AOPEP: variants seen among roughly 807,000 people sequenced by gnomAD.
The protein encoded by AOPEP is aminopeptidase O (putative).
In AOPEP, 77 loss-of-function variants were observed where a neutral mutation model predicts 98.1. That is an observed-to-expected ratio of 0.78 (90% CI 0.65 to 0.95). AOPEP has a LOEUF of 0.95. Ranked by LOEUF, AOPEP falls within the 40% of genes least tolerant of loss-of-function variation. AOPEP has a pLI of 0.00. For synonymous variants in AOPEP, 346 were observed against 365.3 expected (o/e 0.95, Z 0.60); for missense variants, 1,024 against 1,024.7 (o/e 1.00, Z 0.01).
chr9:94,843,583 GCTT>G (rs1270944163), intron 5 of AOPEP, among the ~76,000 whole-genome samples: 1 of 152,200 alleles, frequency 6.6e-6, no homozygotes, highest in Non-Finnish European at 1.5e-5. Flanking sequence ...TTACCATATG[GCTT>G]CTTCAGCCTC....
chr9:94,946,007 C>G (rs1438158189), intron 7 of AOPEP, among the ~76,000 whole-genome samples: 1 of 152,128 alleles, frequency 6.6e-6, no homozygotes, highest in Non-Finnish European at 1.5e-5. Context: ...ATGAGGAGAC[C>G]TGTCTCAGCA....
At chr9:94,877,771 T>C (rs891402051) in intron 5 of AOPEP, among the ~76,000 whole-genome samples, 1 of 152,196 alleles carries the variant, frequency 6.6e-6, no homozygotes, top group Admixed American at 6.5e-5. Context: ...CTTGTATCCA[T>C]ATAGCTAATT....
intron 5 of AOPEP, among the ~76,000 whole-genome samples, chr9:94,839,876 C>T (rs976199494): frequency 7.2e-5 from 11 of 152,146 alleles, no homozygotes; most frequent in Non-Finnish European, 1.3e-4. Context: ...CCCATTGATC[C>T]TCCCACCTCA....
rs774802903 is a variant in AOPEP at position 94,984,369 on chromosome 9, T to TA, written c.1977+4946dup. Among the ~76,000 whole-genome samples, 27 of 152,186 alleles carry TA rather than the reference T, an allele frequency of 1.8e-4. No individual in the cohort carries two copies. The East Asian group carries it at 2.5e-3, about 14-fold the overall frequency. On this transcript the variant is annotated intron_variant, in intron 11 of 16. Transcript: ENST00000375315. ...ATTTAGTCGTAATTAAATTTAAATTTAAAATCTCATAATTTAGTTATTGTT... is the reference window on the plus strand; with the variant it reads ...ATTTAGTCGTAATTAAATTTAAATTTAAAAATCTCATAATTTAGTTATTGTT...
intron 5 of AOPEP, among the ~76,000 whole-genome samples, chr9:94,865,833 C>T (rs2045640334): frequency 6.6e-6 from 1 of 152,204 alleles, no homozygotes; most frequent in Non-Finnish European, 1.5e-5. Flanking sequence ...ATCTGGGCTA[C>T]TGCTAGACAG....
chr9:95,133,464 C>T, the AOPEP span, among the ~76,000 whole-genome samples: 1 of 152,196 alleles, frequency 6.6e-6, no homozygotes, highest in Non-Finnish European at 1.5e-5. Context: ...CTGTGTGACT[C>T]GTGGGAGATT....
chr9:95,114,729 A>G, the AOPEP span: 2 of 1,608,654 alleles, frequency 1.2e-6, no homozygotes, highest in Non-Finnish European at 1.7e-6. Context: ...GGAGAGAGAT[A>G]CGTCAGAGGG....
intron 5 of AOPEP, among the ~76,000 whole-genome samples, chr9:94,829,061 G>T (rs538382699): frequency 6.6e-6 from 1 of 151,804 alleles, no homozygotes; most frequent in Admixed American, 6.6e-5. Flanking sequence ...TAGAGGCGGG[G>T]TTTCACCATG....
At chr9:94,745,172 TTGTC>T (rs1321825159) in intron 1 of AOPEP, among the ~76,000 whole-genome samples, 1 of 152,198 alleles carries the variant, frequency 6.6e-6, no homozygotes, top group Non-Finnish European at 1.5e-5. Context: ...TATCTCAACA[TTGTC>T]TGTAACTGTA....
Position 94,930,123 on chromosome 9 carries a change from G to A in AOPEP, c.1661+1592G>A, listed in dbSNP as rs1007059285. On this transcript the variant is annotated intron_variant, in intron 7 of 16. Transcript: ENST00000375315. This position sits in a 1 kb window ranked among gnomAD's most constrained non-coding sequence, Gnocchi z 4.5. ...GTGGAGAGCACCACAGGCAGCCGAC[G>A]GAAAGCCAGGAGAACGGTTGCAGCC... is the stretch of plus-strand genomic sequence containing the variant. Among the ~76,000 whole-genome samples the A allele has an allele frequency of 1.3e-5, 2 of 152,194 alleles. No individual in the cohort carries two copies. The highest frequency in any genetic ancestry group is 1.5e-5 in the Non-Finnish European group (1 of 68,042).
At chr9:94,828,241 C>G (rs916231643) in intron 5 of AOPEP, among the ~76,000 whole-genome samples, 2 of 152,128 alleles carry the variant, frequency 1.3e-5, no homozygotes. Flanking sequence ...CTACTTTGTT[C>G]TTTAGTTTCT....
At chr9:95,090,748 AGT>A (rs1406174682), downstream of AOPEP, among the ~76,000 whole-genome samples, 1 of 152,186 alleles carries the variant, frequency 6.6e-6, no homozygotes, top group African/African-American at 2.4e-5. Flanking sequence ...AAAGGCAAAA[AGT>A]GGGGTGAGGG....
At chr9:95,014,737 G>A (rs2062843592) in intron 13 of AOPEP, among the ~76,000 whole-genome samples, 1 of 152,112 alleles carries the variant, frequency 6.6e-6, no homozygotes, top group South Asian at 2.1e-4. Flanking sequence ...TCACACTCTT[G>A]CCTGTCATGT....
chr9:95,115,098 G>A, the AOPEP span, among the ~76,000 whole-genome samples: 1 of 152,086 alleles, frequency 6.6e-6, no homozygotes, highest in African/African-American at 2.4e-5. Flanking sequence ...GCACCACCAT[G>A]CCCAGCTATT....
At chr9:95,012,396 A>G (rs1466267219) in intron 13 of AOPEP, among the ~76,000 whole-genome samples, 1 of 152,206 alleles carries the variant, frequency 6.6e-6, no homozygotes, top group Admixed American at 6.5e-5. Flanking sequence ...ATTTTTATAT[A>G]AAATGTTAGA....
intron 1 of AOPEP, among the ~76,000 whole-genome samples, chr9:94,741,517 C>T (rs1336182580): frequency 6.6e-6 from 1 of 152,028 alleles, no homozygotes; most frequent in Non-Finnish European, 1.5e-5. Flanking sequence ...GTCATCTGCC[C>T]GTCTCGGCCT....
At chr9:94,874,930 T>G (rs187494707) in intron 5 of AOPEP, among the ~76,000 whole-genome samples, 89 of 152,304 alleles carry the variant, frequency 5.8e-4, no homozygotes, top group Admixed American at 2.4e-3. Context: ...ATTTATAATA[T>G]CCTGCCAAAC....
chr9:94,900,323 A>G (rs1421556013), intron 5 of AOPEP: 1 of 152,286 alleles, frequency 6.6e-6, no homozygotes, highest in African/African-American at 2.4e-5. Context: ...TGAGGACCAC[A>G]GTAGCCTGCT....
intron 13 of AOPEP, among the ~76,000 whole-genome samples, chr9:95,031,829 G>T (rs73657031): frequency 0.014 from 2,093 of 152,282 alleles, 55 homozygotes; most frequent in African/African-American, 0.049. Context: ...CTCTTGTCTT[G>T]TGACTTGTCC....
Sources: gnomAD v4.1 joint callset for allele counts (sites outside exome capture counted in the v4.1 genomes callset) on GRCh38, gnomAD v4.1.1 for gene constraint, Gnocchi (gnomAD v3.1) non-coding constraint, MANE v1.5 for transcripts, NCBI Gene and HGNC (gene_info 2026-07-23, HGNC 2026-07-21) for gene names.